Variants in GSDME observed in about 807,000 individuals in gnomAD.
GSDME encodes gasdermin E.
In GSDME, 44 loss-of-function variants were observed where a neutral mutation model predicts 47.5. The ratio of observed to expected loss-of-function variants is 0.93; its 90% CI spans 0.73 to 1.19. GSDME has a LOEUF of 1.19. Ranked by LOEUF, GSDME falls within the 50% of genes most tolerant of loss-of-function variation. The pLI, the probability that GSDME is intolerant of heterozygous loss-of-function variation, is 0.00. For synonymous variants in GSDME, 258 were observed against 252.8 expected, an observed-to-expected ratio of 1.02 and a Z score of -0.20; for missense variants, 663 against 604.2, an observed-to-expected ratio of 1.10 and a Z score of -1.02.
intron 4 of GSDME, among the ~76,000 whole-genome samples, chr7:24,718,465 A>G (rs2128053292): frequency 6.6e-6 from 1 of 152,316 alleles, no homozygotes; most frequent in Non-Finnish European, 1.5e-5. Context: ...CCCTAACTCA[A>G]CCCACAAAGG....
At chr7:24,715,577 G>C (rs1426968039) in intron 5 of GSDME, 3 of 455,278 alleles carry the variant, frequency 6.6e-6, no homozygotes, top group Non-Finnish European at 1.4e-5. Flanking sequence ...AGGGGGGCTA[G>C]AAACCCAAAA....
rs550825566 is a variant in GSDME, at chr7:24,705,077, A to G, written c.1183+1107T>C. On this transcript the variant is annotated intron_variant, in intron 8 of 9. Coordinates refer to ENST00000645220, the MANE Select transcript of GSDME (RefSeq NM_001127453.2). The surrounding 1 kb of genome is among the most constrained non-coding windows in gnomAD (Gnocchi z 4.1). ...GCTGGCCCTGTGTTACCTACTTGGCATCACTGATCCAGGCTATTGATAGAA... is the reference window on the plus strand; with the variant it reads ...GCTGGCCCTGTGTTACCTACTTGGCGTCACTGATCCAGGCTATTGATAGAA... 6.2e-4 allele frequency: 95 copies of G among 152,340 alleles called. No individual in the cohort carries two copies. Among genetic ancestry groups the G allele is most frequent in the African/African-American group, 2.2e-3 (92 of 41,560 alleles). The allele number at this position is 152,340 out of a possible 1,614,324, so 9.4% of individuals were successfully genotyped here.
rs977455737 is a variant in GSDME at position 24,712,093 on chromosome 7, C to T, written c.698-1705G>A. The stretch of plus-strand genomic sequence containing the variant: ...GCAAATATTTTCATTTGCTTGTGGG[C>T]ATTAATGATGCTCATAAAGATAGAA... On this transcript the variant is annotated intron_variant, in intron 5 of 9. Coordinates refer to ENST00000645220, the MANE Select transcript of GSDME (RefSeq NM_001127453.2). This position sits in a 1 kb window ranked among gnomAD's most constrained non-coding sequence, Gnocchi z 4.4. 6.6e-6 allele frequency among the ~76,000 whole-genome samples: 1 copy of T among 152,092 alleles called. No homozygotes were observed. Among genetic ancestry groups the T allele is most frequent in the Non-Finnish European group, 1.5e-5 (1 of 68,014 alleles).
the GSDME span, among the ~76,000 whole-genome samples, chr7:24,768,136 G>A: frequency 6.6e-6 from 1 of 152,308 alleles, no homozygotes; most frequent in Non-Finnish European, 1.5e-5. This position sits in a 1 kb window ranked among gnomAD's most constrained non-coding sequence, Gnocchi z 5.6. Flanking sequence ...TGTTTCATCT[G>A]AAAATTAAAG....
intron 1 of GSDME, among the ~76,000 whole-genome samples, chr7:24,751,515 T>C (rs1431159680): frequency 6.6e-6 from 1 of 152,226 alleles, no homozygotes; most frequent in Non-Finnish European, 1.5e-5. Flanking sequence ...TCACTGGTTC[T>C]TTTGTACAGT....
intron 5 of GSDME, chr7:24,715,582 C>T (rs1789520938): frequency 2.2e-6 from 1 of 449,614 alleles, no homozygotes; most frequent in Admixed American, 2.5e-5. Context: ...GGCTAGAAAC[C>T]CAAAAGTGCA....
At chr7:24,717,101 A>T in intron 5 of GSDME, 153 bp downstream of exon 5, 1 of 832,336 alleles carries the variant, frequency 1.2e-6, no homozygotes, top group Admixed American at 2.1e-5. Flanking sequence ...GTGTCCAGGG[A>T]CCATGTCTTG....
the GSDME span, among the ~76,000 whole-genome samples, chr7:24,776,304 G>C: frequency 3.5e-4 from 54 of 152,136 alleles, no homozygotes; most frequent in African/African-American, 1.2e-3. Flanking sequence ...TCTTCAAAAT[G>C]AGAAGATGCA....
In GSDME at chr7:24,749,673, T is replaced by A; in HGVS notation, c.102A>T (p.Leu34=). ...ATCTCTTCTTTTTTGTCACCAGACT[T>A]AGAAGCTGTAACTTATCAGAGTCAT... ...NLNDSDKLQL[L]SLVTKKKRFW... Residue 34 remains leucine (L), a synonymous_variant, in exon 2 of 10, where the codon CTA becomes CTT. Transcript: ENST00000645220. The A allele has an allele frequency of 1.2e-6, 2 of 1,614,114 alleles. No individual in the cohort carries two copies. Among genetic ancestry groups the A allele is most frequent in the South Asian group, 2.2e-5 (2 of 91,076 alleles).
At chr7:24,769,755 C>T in the GSDME span, among the ~76,000 whole-genome samples, 15 of 152,060 alleles carry the variant, frequency 9.9e-5, no homozygotes, top group African/African-American at 3.6e-4. Context: ...AAAAACTAAA[C>T]AAAACAAAAA....
At chr7:24,777,412 TG>T in the GSDME span, among the ~76,000 whole-genome samples, 1 of 152,200 alleles carries the variant, frequency 6.6e-6, no homozygotes, top group Non-Finnish European at 1.5e-5. Flanking sequence ...ATCGAACCAC[TG>T]GAAGTTTGCG....
At chr7:24,701,667 G>A (rs760485474) in intron 9 of GSDME, among the ~76,000 whole-genome samples, 2 of 152,194 alleles carry the variant, frequency 1.3e-5, no homozygotes, top group Non-Finnish European at 2.9e-5. Flanking sequence ...ATAATGGCAC[G>A]TATTGTTTCC....
chr7:24,700,738 G>T (rs1052227994), intron 9 of GSDME, among the ~76,000 whole-genome samples: 5 of 152,204 alleles, frequency 3.3e-5, no homozygotes, highest in African/African-American at 1.2e-4. Context: ...ACTATTGATT[G>T]TGCTTTAGAG....
At chr7:24,727,410 G>A (rs1034275806) in intron 3 of GSDME, among the ~76,000 whole-genome samples, 1 of 152,192 alleles carries the variant, frequency 6.6e-6, no homozygotes, top group Non-Finnish European at 1.5e-5. Context: ...ACAGAGATGG[G>A]GACATGACAG....
chr7:24,753,633 C>G (rs1362207352), intron 1 of GSDME, among the ~76,000 whole-genome samples: 2 of 152,186 alleles, frequency 1.3e-5, no homozygotes, highest in African/African-American at 4.8e-5. Context: ...ATCTTAGCAA[C>G]AGTGTATCAT....
Position 24,721,319 on chromosome 7 carries a change from T to G in GSDME, c.405-2101A>C, listed in dbSNP as rs1350231427. On this transcript the variant is annotated intron_variant, in intron 3 of 9. Transcript: ENST00000645220. The surrounding 1 kb of genome is among the most constrained non-coding windows in gnomAD (Gnocchi z 4.1). ...CAATCTTAGTACTGGTTAAGGAAAT[T>G]CAAATTATAAAAATGTCTCACACGT... Among the ~76,000 whole-genome samples, 1 of 152,118 alleles carries G rather than the reference T, an allele frequency of 6.6e-6. No homozygotes were observed. The highest frequency in any genetic ancestry group is 1.5e-5 in the Non-Finnish European group (1 of 68,026).
At chr7:24,729,624 C>G (rs1790079407) in intron 3 of GSDME, among the ~76,000 whole-genome samples, 1 of 152,242 alleles carries the variant, frequency 6.6e-6, no homozygotes, top group Non-Finnish European at 1.5e-5. Context: ...CTTCATGCCT[C>G]TGTGCAGACA....
At chr7:24,763,438 C>G in the GSDME span, among the ~76,000 whole-genome samples, 1 of 151,704 alleles carries the variant, frequency 6.6e-6, no homozygotes, top group African/African-American at 2.4e-5. The surrounding 1 kb of genome is among the most constrained non-coding windows in gnomAD (Gnocchi z 4.3). Context: ...AATGTCATGA[C>G]AGCCAATCTG....
chr7:24,742,416 A>G lies in GSDME; in HGVS notation c.404+2146T>C, dbSNP rs1430694553. ...GTGCAGAGTTAAGGAGAGGCTACAT[A>G]TAAAGTGCCTGGCACACAGTAGGTG... is the stretch of plus-strand genomic sequence containing the variant. On this transcript the variant is annotated intron_variant, in intron 3 of 9. Coordinates refer to ENST00000645220, the MANE Select transcript of GSDME (RefSeq NM_001127453.2). The surrounding 1 kb of genome is among the most constrained non-coding windows in gnomAD (Gnocchi z 4.4). Among the ~76,000 whole-genome samples the G allele has an allele frequency of 2.0e-5, 3 of 152,246 alleles. No homozygotes were observed. In the South Asian group the frequency reaches 6.2e-4, roughly 32 times the overall value.
Sources: gnomAD v4.1 joint callset for allele counts (sites outside exome capture counted in the v4.1 genomes callset) on GRCh38, gnomAD v4.1.1 for gene constraint, Gnocchi (gnomAD v3.1) non-coding constraint, MANE v1.5 for transcripts, NCBI Gene and HGNC (gene_info 2026-07-23, HGNC 2026-07-21) for gene names.